The following PREPL variants were observed in gnomAD, a reference collection of about 807,000 sequenced individuals.
The protein encoded by PREPL is prolyl endopeptidase like, also known as prolyl endopeptidase-like.
PREPL carries 77 observed loss-of-function variants against 70.6 expected under a neutral mutation model. The ratio of observed to expected loss-of-function variants is 1.09; its 90% CI spans 0.91 to 1.32. The LOEUF is 1.32. Ranked by LOEUF, PREPL falls within the 40% of genes most tolerant of loss-of-function variation. The pLI, the probability that PREPL is intolerant of heterozygous loss-of-function variation, is 0.00. For synonymous variants in PREPL, 315 were observed against 264.8 expected (o/e 1.19, Z -1.84); for missense variants, 1,002 against 778.2 (o/e 1.29, Z -3.42).
rs1477725261 is a variant in PREPL, at chr2:44,340,697, G to C, written c.486-1334C>G. Among the ~76,000 whole-genome samples the C allele has an allele frequency of 3.3e-5, 5 of 152,240 alleles. No individual in the cohort carries two copies. The South Asian group carries it at 1.0e-3, about 32-fold the overall frequency. ...AATCCCAGCACTCTGGGAGGCCAAAGCTGGCAGATCACCTGAGATCAGGAG... is the reference window on the plus strand; with the variant it reads ...AATCCCAGCACTCTGGGAGGCCAAACCTGGCAGATCACCTGAGATCAGGAG... On this transcript the variant is annotated intron_variant, in intron 5 of 13. Transcript: ENST00000409411.
intron 7 of PREPL, among the ~76,000 whole-genome samples, chr2:44,333,302 A>G (rs955853983): frequency 2.0e-5 from 3 of 152,208 alleles, no homozygotes; most frequent in Non-Finnish European, 4.4e-5. Flanking sequence ...AAGGAAAGGA[A>G]TCAAAATTTA....
chr2:44,321,685 C>T, intron 13 of PREPL, 142 bp downstream of exon 13: 1 of 1,559,872 alleles, frequency 6.4e-7, no homozygotes, highest in Non-Finnish European at 8.7e-7. Flanking sequence ...CACAGTGTCC[C>T]TCCCTCCCCT....
chr2:44,329,133 T>C lies in PREPL; in HGVS notation c.1087-21A>G, dbSNP rs1185104508. On this transcript the variant is annotated intron_variant, in intron 8 of 13. Coordinates refer to ENST00000409411, the MANE Select transcript of PREPL (RefSeq NM_001171613.2). ...CCATCCTAGAAATGAAGAATTACTA[T>C]GTATGTAAAGAAGAGTCTTTTATAA... is the stretch of plus-strand genomic sequence containing the variant. 4 of 1,553,704 alleles carry C rather than the reference T, an allele frequency of 2.6e-6. No individual in the cohort carries two copies. In the African/African-American group the frequency reaches 4.1e-5, roughly 16 times the overall value.
chr2:44,335,877 T>TA (rs1001850247), intron 7 of PREPL, among the ~76,000 whole-genome samples: 1 of 148,992 alleles, frequency 6.7e-6, no homozygotes, highest in African/African-American at 2.5e-5. Context: ...CCCAACACCA[T>TA]AAAAAAGTGG....
At chr2:44,324,703 C>A (rs1673319090) in intron 10 of PREPL, among the ~76,000 whole-genome samples, 1 of 151,956 alleles carries the variant, frequency 6.6e-6, no homozygotes, top group African/African-American at 2.4e-5. Context: ...CATGGTAAAA[C>A]CACATCTCTA....
rs768324233 is a variant in PREPL at position 44,321,731 on chromosome 2, T to C, written c.1827+96A>G. 33 of 1,606,216 alleles carry C rather than the reference T, an allele frequency of 2.1e-5. No individual in the cohort carries two copies. In the African/African-American group the frequency reaches 3.9e-4, roughly 19 times the overall value. ...ACCCATAGATAGGACATTTGTGAAG[T>C]GGCTTTGTCATAAACCTGCTGCAAC... On this transcript the variant is annotated intron_variant, in intron 13 of 13. Coordinates refer to ENST00000409411, the MANE Select transcript of PREPL (RefSeq NM_001171613.2).
chr2:44,351,992 C>T (rs770604446), intron 1 of PREPL, among the ~76,000 whole-genome samples: 24 of 152,250 alleles, frequency 1.6e-4, no homozygotes, highest in Admixed American at 4.6e-4. Flanking sequence ...GCCAAGCCCA[C>T]TTATTCCAGT....
intron 10 of PREPL, among the ~76,000 whole-genome samples, chr2:44,325,345 G>A (rs1558486754): frequency 6.6e-6 from 1 of 152,238 alleles, no homozygotes; most frequent in South Asian, 2.1e-4. Context: ...CTGGCAGTGT[G>A]AGGTGATTTG....
At chr2:44,348,658 T>C (rs1457647077) in intron 1 of PREPL, among the ~76,000 whole-genome samples, 1 of 152,170 alleles carries the variant, frequency 6.6e-6, no homozygotes, top group East Asian at 1.9e-4. Flanking sequence ...TTTTCTGTCA[T>C]ATATCCAAAT....
At chr2:44,337,137 T>A (rs1386716304) in intron 7 of PREPL, among the ~76,000 whole-genome samples, 1 of 152,176 alleles carries the variant, frequency 6.6e-6, no homozygotes, top group Non-Finnish European at 1.5e-5. Flanking sequence ...TAAAACAGAA[T>A]AATTAACAGT....
intron 1 of PREPL, among the ~76,000 whole-genome samples, chr2:44,353,481 G>A (rs901154286): frequency 1.3e-4 from 20 of 151,912 alleles, no homozygotes; most frequent in Non-Finnish European, 2.8e-4. Context: ...CCAGCTACTC[G>A]GGGGGCCTTG....
At chr2:44,361,217 C>T (rs1385999805) in intron 1 of PREPL, among the ~76,000 whole-genome samples, 163 bp downstream of exon 1, 1 of 152,060 alleles carries the variant, frequency 6.6e-6, no homozygotes, top group African/African-American at 2.4e-5. Flanking sequence ...CTCTCCACCC[C>T]AGGGATGAGG....
At chr2:44,349,165 A>G (rs554251707) in intron 1 of PREPL, among the ~76,000 whole-genome samples, 1 of 152,242 alleles carries the variant, frequency 6.6e-6, no homozygotes, top group Non-Finnish European at 1.5e-5. Context: ...TAACTTTATC[A>G]TGGCAAAGAT....
Position 44,323,258 on chromosome 2 carries a change from C to T in PREPL, c.1629+4G>A, listed in dbSNP as rs1458467841. 1 of 1,589,662 alleles carries T rather than the reference C, an allele frequency of 6.3e-7. No homozygotes were observed. The highest frequency in any genetic ancestry group is 1.2e-5 in the South Asian group (1 of 86,502). On this transcript the variant is annotated splice_donor_region_variant and intron_variant, in intron 11 of 13. Coordinates refer to ENST00000409411, the MANE Select transcript of PREPL (RefSeq NM_001171613.2). ...GATAATCTAACACAATTGTCTTTCA[C>T]TACCTGAGGTTTAATATTTTGATAG...
At chr2:44,343,513 G>C (rs1435552169) in intron 4 of PREPL, among the ~76,000 whole-genome samples, 2 of 152,064 alleles carry the variant, frequency 1.3e-5, no homozygotes, top group African/African-American at 4.8e-5. Flanking sequence ...GTATGACATG[G>C]ACTCTAATTA....
intron 1 of PREPL, among the ~76,000 whole-genome samples, chr2:44,358,857 C>G (rs1044759514): frequency 5.9e-5 from 9 of 152,036 alleles, no homozygotes; most frequent in African/African-American, 2.2e-4. Flanking sequence ...ATGGCCTTTA[C>G]TGAAGTTTAC....
chr2:44,334,103 G>A (rs75043400), intron 7 of PREPL, among the ~76,000 whole-genome samples: 8,285 of 152,240 alleles, frequency 0.054, 733 homozygotes, highest in African/African-American at 0.19. Flanking sequence ...TGGACTTTTA[G>A]AAGTTCATCC....
chr2:44,326,570 A>C, intron 10 of PREPL, 142 bp downstream of exon 10: 1 of 772,140 alleles, frequency 1.3e-6, no homozygotes, highest in Non-Finnish European at 2.1e-6. Context: ...GCTCCTGGTA[A>C]GCAATCTGCC....
At chr2:44,355,933 G>C (rs1676995574) in intron 1 of PREPL, among the ~76,000 whole-genome samples, 3 of 151,990 alleles carry the variant, frequency 2.0e-5, no homozygotes, top group Admixed American at 1.3e-4. Context: ...CACTATTAAA[G>C]ATTTTGGGAA....
Sources: allele counts gnomAD v4.1 joint callset (sites outside exome capture counted in the v4.1 genomes callset), GRCh38; gene constraint gnomAD v4.1.1; transcripts MANE v1.5; gene names NCBI Gene and HGNC (gene_info 2026-07-23, HGNC 2026-07-21).